The following SNX29 variants were observed in gnomAD, a reference collection of about 807,000 sequenced individuals.
The protein encoded by SNX29 is sorting nexin-29.
Under a neutral mutation model 102.1 loss-of-function variants are expected in SNX29, and 78 were observed. The ratio of observed to expected loss-of-function variants is 0.76; its 90% confidence interval spans 0.64 to 0.92. The LOEUF (loss-of-function observed/expected upper bound fraction) is 0.92, where lower values mean the gene tolerates loss of function less well. Ranked by LOEUF, SNX29 falls within the 40% of genes least tolerant of loss-of-function variation. The probability of loss-of-function intolerance (pLI) is 0.00; values close to 1 mark genes in which losing one functional copy is unlikely to be tolerated. For synonymous variants in SNX29, 580 were observed against 414.5 expected (o/e 1.40, Z -4.85); for missense variants, 1,280 against 1,061.7 (o/e 1.21, Z -2.86).
chr16:12,404,563 A>T (rs1054078922), intron 18 of SNX29, among the ~76,000 whole-genome samples: 2 of 152,046 alleles, frequency 1.3e-5, no homozygotes, highest in African/African-American at 4.8e-5. Context: ...TTTATTCCCC[A>T]TGAGCTCTCT....
chr16:12,054,962 C>T (rs956552870), intron 8 of SNX29, among the ~76,000 whole-genome samples: 2 of 152,110 alleles, frequency 1.3e-5, no homozygotes, highest in Admixed American at 6.6e-5. Context: ...TTTTTTCCTA[C>T]GAGTGAACTG....
At chr16:12,021,693 G>C (rs2057026179) in intron 3 of SNX29, among the ~76,000 whole-genome samples, 1 of 152,020 alleles carries the variant, frequency 6.6e-6, no homozygotes, top group Non-Finnish European at 1.5e-5. Context: ...TTTGAGATCA[G>C]CCTGGCCAAC....
chr16:12,552,776 A>G (rs896065375), intron 20 of SNX29, among the ~76,000 whole-genome samples: 2 of 152,232 alleles, frequency 1.3e-5, no homozygotes, highest in Non-Finnish European at 2.9e-5. Context: ...AATTCATCTC[A>G]GCTCTGGGCT....
chr16:12,004,035 G>T (rs756611090), intron 3 of SNX29, among the ~76,000 whole-genome samples: 3 of 150,558 alleles, frequency 2.0e-5, no homozygotes, highest in Non-Finnish European at 3.0e-5. Context: ...GACAGGATGA[G>T]ACTGTGTCTC....
intron 18 of SNX29, among the ~76,000 whole-genome samples, chr16:12,473,843 G>T (rs1463530266): frequency 6.6e-6 from 1 of 151,998 alleles, no homozygotes; most frequent in African/African-American, 2.4e-5. Context: ...TACTCTATAT[G>T]GTCTGAAAAA....
Position 12,549,220 on chromosome 16 carries a change from C to G in SNX29, c.2319-19286C>G, listed in dbSNP as rs879064785. Reference sequence around the variant, plus strand: ...CCCTCACGATGCTTGTGTCTGCCAGCCATGGTGGCTCATCCCTGTAATCCC... The same window carrying G: ...CCCTCACGATGCTTGTGTCTGCCAGGCATGGTGGCTCATCCCTGTAATCCC... On this transcript the variant is annotated intron_variant, in intron 20 of 20. Coordinates refer to ENST00000566228, the MANE Select transcript of SNX29 (RefSeq NM_032167.5). 7.9e-5 allele frequency among the ~76,000 whole-genome samples: 12 copies of G among 152,260 alleles called. No homozygotes were observed. In the South Asian group the frequency reaches 2.5e-3, roughly 32 times the overall value.
At chr16:12,190,822 C>T (rs994518019) in intron 13 of SNX29, among the ~76,000 whole-genome samples, 1 of 151,968 alleles carries the variant, frequency 6.6e-6, no homozygotes, top group Non-Finnish European at 1.5e-5. Flanking sequence ...GGGGCAGCAG[C>T]CTGGGTAGAA....
intron 13 of SNX29, among the ~76,000 whole-genome samples, chr16:12,156,301 G>A (rs113742972): frequency 0.011 from 1,633 of 152,346 alleles, 15 homozygotes; most frequent in Middle Eastern, 0.02. Context: ...AGTCTCCTGA[G>A]TAGCTGGGAC....
At chr16:12,517,699 T>C (rs954316385) in intron 19 of SNX29, among the ~76,000 whole-genome samples, 3 of 152,086 alleles carry the variant, frequency 2.0e-5, no homozygotes, top group Non-Finnish European at 2.9e-5. Flanking sequence ...GGAATTACCA[T>C]CTAGCAAGGG....
At chr16:12,352,727 G>C (rs1597038190) in intron 15 of SNX29, among the ~76,000 whole-genome samples, 1 of 152,270 alleles carries the variant, frequency 6.6e-6, no homozygotes. Flanking sequence ...GAGAATCAAG[G>C]CTTCATTCCT....
intron 10 of SNX29, among the ~76,000 whole-genome samples, chr16:12,071,245 A>G (rs1321009168): frequency 1.3e-5 from 2 of 152,208 alleles, no homozygotes; most frequent in African/African-American, 2.4e-5. Context: ...GTCCTTGCCC[A>G]TGCCTATGTT....
chr16:12,182,162 C>T (rs1389759049), intron 13 of SNX29, among the ~76,000 whole-genome samples: 1 of 147,536 alleles, frequency 6.8e-6, no homozygotes, highest in East Asian at 2.0e-4. Context: ...GCTGGGATAA[C>T]AGGCATGAGC....
At chr16:12,540,359 TTAA>T (rs2077275271) in intron 20 of SNX29, among the ~76,000 whole-genome samples, 1 of 152,188 alleles carries the variant, frequency 6.6e-6, no homozygotes, top group African/African-American at 2.4e-5. Flanking sequence ...ATCCCCTGTA[TTAA>T]TTTCTTATTG....
intron 13 of SNX29, among the ~76,000 whole-genome samples, chr16:12,149,179 C>G (rs939177470): frequency 1.3e-5 from 2 of 152,300 alleles, no homozygotes; most frequent in Admixed American, 1.3e-4. Flanking sequence ...ATTTCATGGT[C>G]TAAAGTGGCT....
At chr16:12,554,668 A>C (rs974878401) in intron 20 of SNX29, among the ~76,000 whole-genome samples, 1 of 152,200 alleles carries the variant, frequency 6.6e-6, no homozygotes, top group Non-Finnish European at 1.5e-5. Flanking sequence ...TTTGCTAACC[A>C]CAGGGATGCC....
chr16:12,208,946 G>C (rs1346559746), intron 14 of SNX29, among the ~76,000 whole-genome samples: 1 of 151,962 alleles, frequency 6.6e-6, no homozygotes, highest in Non-Finnish European at 1.5e-5. Context: ...ACTTAGCTTT[G>C]TTAGGGGCTG....
At chr16:12,035,138 C>G (rs1192846535) in intron 4 of SNX29, among the ~76,000 whole-genome samples, 1 of 151,780 alleles carries the variant, frequency 6.6e-6, no homozygotes, top group Admixed American at 6.6e-5. Context: ...CTCTTCAGCT[C>G]ATGATGGCGT....
intron 16 of SNX29, among the ~76,000 whole-genome samples, chr16:12,379,425 T>G (rs2082997239): frequency 6.6e-6 from 1 of 152,204 alleles, no homozygotes; most frequent in South Asian, 2.1e-4. Flanking sequence ...TCCCAGCCAT[T>G]TTCCTTTCTT....
In SNX29 at chr16:12,569,865, T is replaced by A. The variant is rs898545098; in HGVS notation, c.*1236T>A. 2 of 231,254 alleles carry A rather than the reference T, an allele frequency of 8.6e-6. No individual in the cohort carries two copies. Among genetic ancestry groups the A allele is most frequent in the Admixed American group, 5.6e-5 (1 of 17,702 alleles). 14.3% of individuals were successfully genotyped at this position (231,254 alleles called of 1,614,324 possible). On this transcript the variant is annotated 3_prime_UTR_variant, in exon 21 of 21. Coordinates refer to ENST00000566228, the MANE Select transcript of SNX29 (RefSeq NM_032167.5). ...CTAGGAAGGATGTCGTGAAATGGAC[T>A]ATGCAAGAGTAAGTTTGTGTGTTTC...
Sources: allele counts gnomAD v4.1 joint callset (sites outside exome capture counted in the v4.1 genomes callset), GRCh38; gene constraint gnomAD v4.1.1; transcripts MANE v1.5; gene names NCBI Gene and HGNC (gene_info 2026-07-23, HGNC 2026-07-21).